COL4A2: variants seen among roughly 807,000 people sequenced by gnomAD.
COL4A2 encodes collagen type IV alpha 2 chain, also known as collagen alpha-2(IV) chain.
COL4A2 carries 99 observed loss-of-function variants against 200.2 expected under a neutral mutation model. The observed-to-expected ratio is 0.49, with a 90% CI of 0.42 to 0.58. The LOEUF (loss-of-function observed/expected upper bound fraction) is 0.58. COL4A2 is among the 20% of genes least tolerant of loss of function. COL4A2 has a pLI of 0.00. For missense variants in COL4A2, 1,950 were observed against 2,314.1 expected (o/e 0.84, Z 3.23); for synonymous variants, 897 against 900.6 (o/e 1.00, Z 0.07).
intron 29 of COL4A2, among the ~76,000 whole-genome samples, chr13:110,477,462 G>A (rs1250428188): frequency 6.6e-6 from 1 of 152,192 alleles, no homozygotes; most frequent in African/African-American, 2.4e-5. Context: ...TTTGATACAC[G>A]ATGTCAGTTT....
At chr13:110,450,491 A>G in intron 20 of COL4A2, 37 bp downstream of exon 20, 3 of 1,608,558 alleles carry the variant, frequency 1.9e-6, no homozygotes, top group East Asian at 2.2e-5. Flanking sequence ...GTGTAGCCTA[A>G]TGTTCAGATG....
intron 36 of COL4A2, among the ~76,000 whole-genome samples, chr13:110,490,306 C>G (rs927979362): frequency 1.3e-5 from 2 of 152,226 alleles, no homozygotes; most frequent in African/African-American, 4.8e-5. Context: ...CTCCTAAATT[C>G]CTGCCTGCAG....
chr13:110,323,812 G>C (rs1190809192), intron 3 of COL4A2, among the ~76,000 whole-genome samples: 1 of 152,214 alleles, frequency 6.6e-6, no homozygotes, highest in Non-Finnish European at 1.5e-5. Flanking sequence ...GAGCTGGTGG[G>C]AGGAAAGAGA....
chr13:110,468,039 TC>T lies in COL4A2; in HGVS notation c.2095+945del, dbSNP rs1322501869. Reference sequence around the variant, plus strand: ...AGTGCAGACAGGTGTTCTAGATGCTTCCTGCTGCACAAATCATGCCCTCACT... The same window carrying T: ...AGTGCAGACAGGTGTTCTAGATGCTTCTGCTGCACAAATCATGCCCTCACT... On this transcript the variant is annotated intron_variant, in intron 27 of 47. Coordinates refer to ENST00000360467, the MANE Select transcript of COL4A2 (RefSeq NM_001846.4). 5.1e-5 allele frequency: 21 copies of T among 415,700 alleles called. No individual in the cohort carries two copies. In the Admixed American group the frequency reaches 5.5e-4, roughly 11 times the overall value. 25.8% of individuals were successfully genotyped at this position (415,700 alleles called of 1,614,324 possible). A position where few individuals can be genotyped will look rare whatever the true frequency, so the allele number is the denominator to read the frequency against.
At chr13:110,438,809 C>CG (rs1566533543) in intron 15 of COL4A2, 141 bp downstream of exon 15, 12 of 753,548 alleles carry the variant, frequency 1.6e-5, no homozygotes, top group African/African-American at 4.7e-5. Context: ...CCCACCCCCC[C>CG]CCACACACAC....
intron 18 of COL4A2, among the ~76,000 whole-genome samples, chr13:110,447,754 C>G (rs111338414): frequency 7.9e-6 from 1 of 127,302 alleles, no homozygotes; most frequent in Non-Finnish European, 1.9e-5. Context: ...TGAGTGACGA[C>G]GTGCAGAAAC....
rs1881003143 is a variant in COL4A2, at chr13:110,438,781, GATTTCCCGTT to G, written c.912+117_912+126del. ...AGCAAAATTTAGCAGAAAGTATAGA[GATTTCCCGTT>G]ATTACTCCCCACCCCCCCCCACACA... On this transcript the variant is annotated intron_variant, in intron 15 of 47. Transcript: ENST00000360467. 3.8e-6 allele frequency: 5 copies of G among 1,312,132 alleles called. No individual in the cohort carries two copies. In the Admixed American group the frequency reaches 9.2e-5, roughly 24 times the overall value. 81.3% of individuals were successfully genotyped at this position (1,312,132 alleles called of 1,614,324 possible). A position where few individuals can be genotyped will look rare whatever the true frequency, so the allele number is the denominator to read the frequency against.
chr13:110,492,284 C>T (rs1192746387), intron 38 of COL4A2, 107 bp downstream of exon 38: 6 of 961,578 alleles, frequency 6.2e-6, no homozygotes, highest in Middle Eastern at 2.2e-4. Context: ...AAGGCCCATA[C>T]GAGAGCAAAG....
In COL4A2 at chr13:110,308,032, G is replaced by C. The variant is rs532567032; in HGVS notation, c.45-37G>C. The C allele has an allele frequency of 2.5e-6, 4 of 1,611,622 alleles. No homozygotes were observed. The African/African-American group carries it at 4.0e-5, about 16-fold the overall frequency. Reference sequence around the variant, plus strand: ...TCTCGGGGACTGACAAGCCGGGCCCGCACGTTCACGTCTCTCTTCCTCCCT... The same window carrying C: ...TCTCGGGGACTGACAAGCCGGGCCCCCACGTTCACGTCTCTCTTCCTCCCT... On this transcript the variant is annotated intron_variant, in intron 2 of 47. Coordinates refer to ENST00000360467, the MANE Select transcript of COL4A2 (RefSeq NM_001846.4).
At chr13:110,313,464 C>T (rs1210783745) in intron 3 of COL4A2, among the ~76,000 whole-genome samples, 1 of 151,988 alleles carries the variant, frequency 6.6e-6, no homozygotes, top group East Asian at 1.9e-4. Context: ...CAGGCTCCCA[C>T]CCCGGTGCCC....
intron 26 of COL4A2, among the ~76,000 whole-genome samples, chr13:110,466,285 T>A (rs1180403950): frequency 1.3e-5 from 2 of 152,138 alleles, no homozygotes; most frequent in Non-Finnish European, 2.9e-5. Context: ...TTGTCAGAAA[T>A]CCTTTTTCAC....
At position 110,508,212 on chromosome 13, in the gene COL4A2, C is replaced by T; in HGVS notation, c.4872C>T (p.Ser1624=). 6.2e-7 allele frequency: 1 copy of T among 1,614,044 alleles called. No individual in the cohort carries two copies. Among genetic ancestry groups the T allele is most frequent in the South Asian group, 1.1e-5 (1 of 91,090 alleles). The change falls in exon 47 of 48, where the codon TCC becomes TCT. Residue 1624 remains serine (S), a synonymous_variant. Coordinates refer to ENST00000360467, the MANE Select transcript of COL4A2 (RefSeq NM_001846.4). The surrounding 1 kb of genome is among the most constrained non-coding windows in gnomAD (Gnocchi z 6.1). ...AGWRSLWIGY[S]FLMHTAAGDE... is the part of the protein sequence containing the mutation. Reference sequence around the variant, plus strand: ...GGCGGAGTTTGTGGATCGGATATTCCTTCCTCATGGTATGTGGTATTTGCC... The same window carrying T: ...GGCGGAGTTTGTGGATCGGATATTCTTTCCTCATGGTATGTGGTATTTGCC...
intron 27 of COL4A2, 24 bp downstream of exon 27, chr13:110,467,120 G>C: frequency 6.2e-7 from 1 of 1,613,764 alleles, no homozygotes; most frequent in Non-Finnish European, 8.5e-7. Flanking sequence ...GGAACCTGGA[G>C]TGCACCCAGC....
chr13:110,459,120 A>T, intron 22 of COL4A2, 186 bp downstream of exon 22: 2 of 530,492 alleles, frequency 3.8e-6, no homozygotes, highest in Non-Finnish European at 6.3e-6. Flanking sequence ...TCCACTGGTG[A>T]GACTGAGAAG....
chr13:110,507,724 CA>C, intron 46 of COL4A2: 1 of 600,832 alleles, frequency 1.7e-6, no homozygotes, highest in Non-Finnish European at 2.9e-6. Flanking sequence ...TGTAGAAGAA[CA>C]GAGCTGTTCC....
At chr13:110,413,510 C>T (rs925325312) in intron 4 of COL4A2, among the ~76,000 whole-genome samples, 1 of 152,164 alleles carries the variant, frequency 6.6e-6, no homozygotes, top group Non-Finnish European at 1.5e-5. Flanking sequence ...TCTAGTGACC[C>T]TGAGAGCCTC....
chr13:110,499,089 G>A (rs1263101817), intron 40 of COL4A2, among the ~76,000 whole-genome samples: 1 of 152,220 alleles, frequency 6.6e-6, no homozygotes, highest in Admixed American at 6.5e-5. Context: ...CCATGATGAC[G>A]TTCACACACT....
chr13:110,344,017 T>A (rs1255862964), intron 3 of COL4A2, among the ~76,000 whole-genome samples: 3 of 152,170 alleles, frequency 2.0e-5, no homozygotes, highest in Admixed American at 2.0e-4. Flanking sequence ...GCATGCCGTA[T>A]AAATAATTAA....
intron 3 of COL4A2, among the ~76,000 whole-genome samples, chr13:110,347,847 A>G (rs1876778177): frequency 6.6e-6 from 1 of 152,244 alleles, no homozygotes; most frequent in African/African-American, 2.4e-5. Flanking sequence ...GCTCGTTAAA[A>G]TGTAAAGGTG....
Sources: gnomAD v4.1 joint callset for allele counts (sites outside exome capture counted in the v4.1 genomes callset) on GRCh38, gnomAD v4.1.1 for gene constraint, Gnocchi (gnomAD v3.1) non-coding constraint, MANE v1.5 for transcripts, NCBI Gene and HGNC (gene_info 2026-07-23, HGNC 2026-07-21) for gene names.